SNAP23: variants seen among roughly 807,000 people sequenced by gnomAD.
The protein encoded by SNAP23 is synaptosomal-associated protein 23.
SNAP23 carries 11 observed loss-of-function variants against 29.0 expected under a neutral mutation model. That is an observed-to-expected ratio of 0.38 (90% CI 0.24 to 0.63). The LOEUF is 0.63. SNAP23 is among the 20% of genes least tolerant of loss of function. SNAP23 has a pLI of 0.58. For missense variants in SNAP23, 220 were observed against 253.9 expected, an observed-to-expected ratio of 0.87 and a Z score of 0.91; for synonymous variants, 60 against 82.9, an observed-to-expected ratio of 0.72 and a Z score of 1.50.
intron 5 of SNAP23, among the ~76,000 whole-genome samples, chr15:42,520,782 C>T (rs932630324): frequency 1.3e-5 from 2 of 152,238 alleles, no homozygotes; most frequent in Non-Finnish European, 2.9e-5. Context: ...GCGTGAGCCA[C>T]CACACCCGGC....
At chr15:42,523,177 GA>G (rs79670795) in intron 5 of SNAP23, among the ~76,000 whole-genome samples, 9,619 of 135,092 alleles carry the variant, frequency 0.071, 585 homozygotes, top group African/African-American at 0.18. Context: ...GTTTAAGTGG[GA>G]AAAAAAAAAA....
At chr15:42,512,220 T>A (rs2057362612) in intron 2 of SNAP23, 1 of 171,116 alleles carries the variant, frequency 5.8e-6, no homozygotes, top group East Asian at 1.5e-4. Flanking sequence ...TTACTTAGAT[T>A]TCTACCTACA....
chr15:42,500,000 C>G (rs1000123406), intron 1 of SNAP23, among the ~76,000 whole-genome samples: 1 of 152,146 alleles, frequency 6.6e-6, no homozygotes, highest in Non-Finnish European at 1.5e-5. Context: ...AAAAAACTAG[C>G]TGGACCTGGT....
At chr15:42,528,155 T>A in intron 5 of SNAP23, 107 bp from the exon 6 acceptor site, 1 of 761,240 alleles carries the variant, frequency 1.3e-6, no homozygotes, top group Non-Finnish European at 2.0e-6. Context: ...GTATGCAGCT[T>A]TTCTACTAGA....
intron 5 of SNAP23, among the ~76,000 whole-genome samples, chr15:42,524,373 C>T (rs1663994322): frequency 6.6e-6 from 1 of 152,066 alleles, no homozygotes. Context: ...GGGCCCTCAA[C>T]CCCCCCAGCC....
At chr15:42,513,120 G>T (rs1232744859) in intron 3 of SNAP23, 124 bp downstream of exon 3, 2 of 830,868 alleles carry the variant, frequency 2.4e-6, no homozygotes, top group Non-Finnish European at 4.1e-6. Context: ...ATTAACAGTT[G>T]CTGAAATGTC....
At chr15:42,527,442 G>C (rs2057514318) in intron 5 of SNAP23, among the ~76,000 whole-genome samples, 1 of 152,080 alleles carries the variant, frequency 6.6e-6, no homozygotes, top group Non-Finnish European at 1.5e-5. Context: ...CTGGAGTGCA[G>C]TGGCACTATC....
Position 42,531,584 on chromosome 15 carries a change from G to A in SNAP23, c.*106G>A, listed in dbSNP as rs1290594886. On this transcript the variant is annotated 3_prime_UTR_variant, in exon 8 of 8. Transcript: ENST00000249647. The stretch of plus-strand genomic sequence containing the variant: ...TTCGGTTCCACGCTCTTCTAATTGG[G>A]AGATAATATGGAAGAAGGGCCAGAG... 2 of 792,478 alleles carry A rather than the reference G, an allele frequency of 2.5e-6. No homozygotes were observed. The highest frequency in any genetic ancestry group is 2.7e-5 in the East Asian group (1 of 36,862). The allele number at this position is 792,478 out of a possible 1,614,324, so 49.1% of individuals were successfully genotyped here.
At chr15:42,509,052 G>A (rs879392782) in intron 1 of SNAP23, among the ~76,000 whole-genome samples, 17 of 152,156 alleles carry the variant, frequency 1.1e-4, no homozygotes, top group Non-Finnish European at 7.3e-5. Flanking sequence ...GCTTTAGGAA[G>A]TGATGGAAAA....
intron 5 of SNAP23, among the ~76,000 whole-genome samples, chr15:42,524,664 A>C (rs2057481113): frequency 6.6e-6 from 1 of 152,206 alleles, no homozygotes; most frequent in Admixed American, 6.5e-5. Context: ...CTGGTTCCCC[A>C]GTGCCAAAAA....
chr15:42,528,952 T>A (rs924092099), intron 6 of SNAP23, among the ~76,000 whole-genome samples: 1 of 152,210 alleles, frequency 6.6e-6, no homozygotes, highest in Admixed American at 6.5e-5. Flanking sequence ...TACTTTTCAG[T>A]ACTTTCCAAA....
At chr15:42,512,609 C>A (rs8023948) in intron 2 of SNAP23, among the ~76,000 whole-genome samples, 7,225 of 152,088 alleles carry the variant, frequency 0.048, 570 homozygotes, top group African/African-American at 0.16. Flanking sequence ...AAACTTCTGA[C>A]CTCGTGATCC....
chr15:42,511,800 C>T, intron 1 of SNAP23, 33 bp from the exon 2 acceptor site: 1 of 1,311,270 alleles, frequency 7.6e-7, no homozygotes, highest in Non-Finnish European at 1.1e-6. Flanking sequence ...TATTCTTATA[C>T]AATATCCACA....
intron 5 of SNAP23, among the ~76,000 whole-genome samples, chr15:42,525,656 G>C (rs2057495997): frequency 6.6e-6 from 1 of 151,132 alleles, no homozygotes; most frequent in Non-Finnish European, 1.5e-5. Context: ...TAGAGACAGG[G>C]TTTCACCATG....
intron 5 of SNAP23, among the ~76,000 whole-genome samples, chr15:42,527,755 G>C (rs145926232): frequency 0.018 from 2,794 of 152,118 alleles, 78 homozygotes; most frequent in African/African-American, 0.064. Flanking sequence ...CAAAGTGCTG[G>C]GAGTACAGGC....
Position 42,531,500 on chromosome 15 carries a change from T to C in SNAP23, c.*22T>C. On this transcript the variant is annotated 3_prime_UTR_variant, in exon 8 of 8. Transcript: ENST00000249647. ...CTAAAGCTACTGCTGTTCTTCTTTA[T>C]CATTTATTCACTTCCGTAGCTCCTC... is the stretch of plus-strand genomic sequence containing the variant. 1 of 1,575,268 alleles carries C rather than the reference T, an allele frequency of 6.3e-7. No homozygotes were observed. Among genetic ancestry groups the C allele is most frequent in the East Asian group, 2.3e-5 (1 of 44,274 alleles).
chr15:42,491,831 C>T (rs1197851064), upstream of SNAP23, among the ~76,000 whole-genome samples: 2 of 152,188 alleles, frequency 1.3e-5, no homozygotes, highest in African/African-American at 2.4e-5. Context: ...ATCTGCCTGC[C>T]TTGGCCTTCC....
intron 5 of SNAP23, among the ~76,000 whole-genome samples, chr15:42,524,969 C>T (rs73404746): frequency 0.047 from 7,209 of 152,096 alleles, 571 homozygotes; most frequent in African/African-American, 0.16. Flanking sequence ...TCCCACCACC[C>T]CTTCATAAAC....
chr15:42,513,036 A>G (rs2057369277), intron 3 of SNAP23, 40 bp downstream of exon 3: 1 of 1,381,556 alleles, frequency 7.2e-7, no homozygotes, highest in South Asian at 1.2e-5. Context: ...ATAGAAATTT[A>G]TAGGAGCGAT....
Sources: allele counts gnomAD v4.1 joint callset (sites outside exome capture counted in the v4.1 genomes callset), GRCh38; gene constraint gnomAD v4.1.1; transcripts MANE v1.5; gene names NCBI Gene and HGNC (gene_info 2026-07-23, HGNC 2026-07-21).